IL5RA: variants seen among roughly 807,000 people sequenced by gnomAD.
IL5RA encodes interleukin 5 receptor subunit alpha.
In IL5RA, 49 loss-of-function variants were observed where a neutral mutation model predicts 50.0. That is an observed-to-expected ratio of 0.98 (90% CI 0.78 to 1.24). The LOEUF (loss-of-function observed/expected upper bound fraction) is 1.24. Among genes scored for constraint, IL5RA ranks in the 50% most tolerant of loss-of-function variants. The pLI is 0.00. For missense variants in IL5RA, 600 were observed against 500.4 expected (o/e 1.20, Z -1.90); for synonymous variants, 202 against 174.0 (o/e 1.16, Z -1.26).
At chr3:3,091,493 A>C (rs1411091370) in intron 9 of IL5RA, among the ~76,000 whole-genome samples, 1 of 152,176 alleles carries the variant, frequency 6.6e-6, no homozygotes, top group Non-Finnish European at 1.5e-5. Flanking sequence ...GCACTTTGGG[A>C]GGCTGAGGCC....
At chr3:3,089,860 ACCTCGGCCT>A in intron 9 of IL5RA, 1 of 177,086 alleles carries the variant, frequency 5.6e-6, no homozygotes, top group East Asian at 1.7e-4. Context: ...TGATCTGCCC[ACCTCGGCCT>A]CCCAAAGTGC....
chr3:3,095,406 C>A lies in IL5RA; in HGVS notation c.748G>T (p.Glu250Ter), dbSNP rs1351945890. ...NPPLNVTAEIEGTRLSIQWEK... is the reference protein window; with the variant it reads ...NPPLNVTAEI The stretch of plus-strand genomic sequence containing the variant: ...CATTGGATAGAGAGACGAGTTCCTT[C>A]AATCTCTGCTGTGACATTCAGTGGA... Residue 250 changes from glutamate (E) to a stop codon, truncating the protein, a stop_gained, in exon 8 of 12, where the codon GAA becomes TAA. Coordinates refer to ENST00000446632, the MANE Select transcript of IL5RA (RefSeq NM_175726.4). LOFTEE classifies it high-confidence loss of function. The A allele has an allele frequency of 6.2e-7, 1 of 1,612,552 alleles. No homozygotes were observed. The highest frequency in any genetic ancestry group is 1.7e-5 in the Admixed American group (1 of 59,968).
At chr3:3,072,374 G>T (rs774555340) in intron 11 of IL5RA, among the ~76,000 whole-genome samples, 4 of 152,206 alleles carry the variant, frequency 2.6e-5, no homozygotes, top group Non-Finnish European at 4.4e-5. Flanking sequence ...GAAGCCAGGC[G>T]CTGTGGAGTG....
At position 3,076,561 on chromosome 3, in the gene IL5RA, A is replaced by G. The variant is rs1204865704; in HGVS notation, c.1061T>C (p.Ile354Thr). The change falls in exon 10 of 12, where the codon ATC (isoleucine) becomes ACC (threonine). Residue 354 changes from isoleucine to threonine, a missense_variant. Ile to Thr is a moderately conservative substitution (Grantham distance 89). Coordinates refer to ENST00000446632, the MANE Select transcript of IL5RA (RefSeq NM_175726.4). ...ACAGATAAGCGAGAGAATTAACAAG[A>G]TGAAGCAGATGGTTGCCATAATCAC... ...VIVIMATICF[I>T]LLILSLICKI... 1 of 1,611,592 alleles carries G rather than the reference A, an allele frequency of 6.2e-7. No individual in the cohort carries two copies. Among genetic ancestry groups the G allele is most frequent in the African/African-American group, 1.3e-5 (1 of 74,884 alleles).
In IL5RA at chr3:3,097,833, A is replaced by T. The variant is rs1703434277; in HGVS notation, c.709+37T>A. On this transcript the variant is annotated intron_variant, in intron 7 of 11. Transcript: ENST00000446632. ...TTCCTTCCAGTGCTGAGATTCCGAG[A>T]TTCAGTTATTTCAGCTTTGGGTTAA... 6 of 1,586,284 alleles carry T rather than the reference A, an allele frequency of 3.8e-6. No individual in the cohort carries two copies. In the South Asian group the frequency reaches 6.8e-5, roughly 18 times the overall value.
At chr3:3,102,542 A>G (rs2125984299) in intron 4 of IL5RA, 133 bp downstream of exon 4, 1 of 611,168 alleles carries the variant, frequency 1.6e-6, no homozygotes, top group Non-Finnish European at 2.8e-6. Flanking sequence ...GAGAGACACT[A>G]TTCTACTGGT....
intron 5 of IL5RA, 88 bp from the exon 6 acceptor site, chr3:3,098,378 T>A: frequency 1.8e-6 from 2 of 1,130,500 alleles, no homozygotes; most frequent in Admixed American, 2.1e-5. Context: ...GATGTGAACG[T>A]CGTATTCATC....
rs753635270 is a variant in IL5RA at position 3,097,899 on chromosome 3, A to C, written c.680T>G (p.Phe227Cys). The stretch of plus-strand genomic sequence containing the variant: ...GGCGTGAAGGGCAAACAGCTGATCA[A>C]AGGGCCTGATAGCAGAGTGCTTGCT... ...GSSKHSAIRPFDQLFALHAID... is the reference protein window; with the variant it reads ...GSSKHSAIRPCDQLFALHAID... The change falls in exon 7 of 12, where the codon TTT becomes TGT. Residue 227 changes from phenylalanine (F) to cysteine (C), a missense_variant. By Grantham distance (205) the Phe-to-Cys change is radical (BLOSUM62 -2). Coordinates refer to ENST00000446632, the MANE Select transcript of IL5RA (RefSeq NM_175726.4). The C allele has an allele frequency of 1.9e-5, 30 of 1,614,100 alleles. No homozygotes were observed. The highest frequency in any genetic ancestry group is 2.5e-5 in the Non-Finnish European group (30 of 1,179,978).
At chr3:3,093,558 C>T (rs193120820) in intron 8 of IL5RA, among the ~76,000 whole-genome samples, 53 of 152,346 alleles carry the variant, frequency 3.5e-4, no homozygotes, top group Non-Finnish European at 5.3e-4. Flanking sequence ...CGCACACACA[C>T]GTGCACACAC....
chr3:3,077,365 A>G (rs917434889), intron 9 of IL5RA, among the ~76,000 whole-genome samples: 5 of 152,186 alleles, frequency 3.3e-5, no homozygotes, highest in African/African-American at 1.2e-4. Flanking sequence ...GGTTTGTTAC[A>G]TATGTATAAA....
chr3:3,074,872 A>G lies in IL5RA; in HGVS notation c.1092-6T>C. On this transcript the variant is annotated splice_polypyrimidine_tract_variant and splice_region_variant and intron_variant, in intron 10 of 11. Coordinates refer to ENST00000446632, the MANE Select transcript of IL5RA (RefSeq NM_175726.4). ...ACTTGATCCATAAATGACATCTGAAAACAGAGTAAAGAAGGAATTAGGTGA... is the reference window on the plus strand; with the variant it reads ...ACTTGATCCATAAATGACATCTGAAGACAGAGTAAAGAAGGAATTAGGTGA... 6.3e-7 allele frequency: 1 copy of G among 1,578,650 alleles called. No individual in the cohort carries two copies.
intron 9 of IL5RA, among the ~76,000 whole-genome samples, chr3:3,078,815 C>T (rs1291936559): frequency 1.4e-5 from 2 of 139,260 alleles, no homozygotes; most frequent in East Asian, 4.2e-4. Flanking sequence ...GCCTGGGTGA[C>T]AAGAGCGAGA....
chr3:3,098,837 T>A (rs2125981049), intron 5 of IL5RA, among the ~76,000 whole-genome samples: 1 of 152,260 alleles, frequency 6.6e-6, no homozygotes, highest in Non-Finnish European at 1.5e-5. Flanking sequence ...CTGGGGGTGG[T>A]GTTTGTGCAA....
At chr3:3,101,638 C>G (rs1228490849) in intron 5 of IL5RA, 54 bp downstream of exon 5, 1 of 1,570,230 alleles carries the variant, frequency 6.4e-7, no homozygotes, top group East Asian at 2.3e-5. Context: ...TTCTACTTTT[C>G]CATATTTGCA....
Position 3,070,239 on chromosome 3 carries a change from C to T in IL5RA, c.1249G>A (p.Asp417Asn), listed in dbSNP as rs200558767. 13 of 1,611,538 alleles carry T rather than the reference C, an allele frequency of 8.1e-6. No individual in the cohort carries two copies. Among genetic ancestry groups the T allele is most frequent in the Non-Finnish European group, 8.5e-6 (10 of 1,178,034 alleles). The stretch of plus-strand genomic sequence containing the variant: ...CAAAGTGACAGTCAAAACACAGAAT[C>T]CTCCAGGGTCTCAACTCCAGGCTTC... ...IEKPGVETLE[D>N]SVF Residue 417 changes from aspartate to asparagine, a missense_variant, in exon 12 of 12, where the codon GAT becomes AAT. Asp to Asn is a conservative substitution (Grantham distance 23). Transcript: ENST00000446632.
At chr3:3,099,890 G>A (rs531276577) in intron 5 of IL5RA, among the ~76,000 whole-genome samples, 77 of 152,024 alleles carry the variant, frequency 5.1e-4, no homozygotes, top group African/African-American at 1.8e-3. Flanking sequence ...GGCTGGTCTC[G>A]AACACTTAAC....
intron 3 of IL5RA, 74 bp from the exon 4 acceptor site, chr3:3,102,894 T>C (rs1297104877): frequency 4.8e-6 from 6 of 1,257,652 alleles, no homozygotes; most frequent in African/African-American, 1.5e-5. Flanking sequence ...ACTTTTCGAA[T>C]ATTTATTGCC....
In IL5RA at chr3:3,082,270, TA is replaced by T. The variant is rs528108056; in HGVS notation, c.995-5644del. 7.6e-4 allele frequency among the ~76,000 whole-genome samples: 115 copies of T among 151,400 alleles called. No individual in the cohort carries two copies. The Middle Eastern group carries it at 0.014, about 18-fold the overall frequency. ...TTCTGGGGTCTCCAACCTTGGAGAT[TA>T]AAAAAAAAGTATTTCGAGGTAATTT... On this transcript the variant is annotated intron_variant, in intron 9 of 11. Transcript: ENST00000446632.
At chr3:3,076,163 G>A (rs578106228) in intron 10 of IL5RA, among the ~76,000 whole-genome samples, 1 of 152,244 alleles carries the variant, frequency 6.6e-6, no homozygotes, top group African/African-American at 2.4e-5. Context: ...TAGCCTCCCT[G>A]AGCTGTGAAA....
Sources: gnomAD v4.1 joint callset for allele counts (sites outside exome capture counted in the v4.1 genomes callset) on GRCh38, gnomAD v4.1.1 for gene constraint, MANE v1.5 for transcripts, NCBI Gene and HGNC (gene_info 2026-07-23, HGNC 2026-07-21) for gene names.